The following SP140 variants were observed in gnomAD, a reference collection of about 807,000 sequenced individuals.
SP140 encodes SP140 nuclear body protein.
Under a neutral mutation model 125.0 loss-of-function variants are expected in SP140, and 81 were observed. The ratio of observed to expected loss-of-function variants is 0.65; its 90% confidence interval spans 0.54 to 0.78. The LOEUF (loss-of-function observed/expected upper bound fraction) is 0.78. SP140 is among the 30% of genes least tolerant of loss of function. SP140 has a pLI of 0.00. For synonymous variants in SP140, 312 were observed against 354.0 expected, an observed-to-expected ratio of 0.88 and a Z score of 1.33; for missense variants, 858 against 1,037.0, an observed-to-expected ratio of 0.83 and a Z score of 2.37.
intron 23 of SP140, 43 bp from the exon 24 acceptor site, chr2:230,310,700 T>A (rs2059262220): frequency 7.6e-7 from 1 of 1,308,054 alleles, no homozygotes; most frequent in Non-Finnish European, 1.1e-6. Flanking sequence ...GGTGGCCATT[T>A]CCAAGCTCCC....
chr2:230,238,104 C>G lies in SP140; in HGVS notation c.238-109C>G, dbSNP rs6761254. 4.2e-3 allele frequency: 3,137 copies of G among 748,962 alleles called. 70 individuals are homozygous for G. The African/African-American group carries it at 0.049, about 12-fold the overall frequency. The allele number at this position is 748,962 out of a possible 1,614,324, so 46.4% of individuals were successfully genotyped here. ...ACATTTAAGAAGTCATCCAAATATA[C>G]GCAAAATTCTAACATTTCACAAGAG... On this transcript the variant is annotated intron_variant, in intron 2 of 26. Coordinates refer to ENST00000392045, the MANE Select transcript of SP140 (RefSeq NM_007237.5).
chr2:230,283,664 CAGG>C (rs2055945732), intron 15 of SP140, among the ~76,000 whole-genome samples: 1 of 152,130 alleles, frequency 6.6e-6, no homozygotes, highest in African/African-American at 2.4e-5. Context: ...AGTGTGCGGA[CAGG>C]AGGAGATGAG....
At chr2:230,225,476 C>T (rs1234036954), upstream of SP140, 1 of 342,810 alleles carries the variant, frequency 2.9e-6, no homozygotes, top group Non-Finnish European at 5.6e-6. Flanking sequence ...TTCTCAGCCA[C>T]CTCAGCAAGG....
intron 22 of SP140, among the ~76,000 whole-genome samples, chr2:230,308,541 C>T (rs925376891): frequency 2.0e-5 from 3 of 152,186 alleles, no homozygotes; most frequent in Non-Finnish European, 2.9e-5. Flanking sequence ...CTCGGTAGCC[C>T]GGTGGGGGTG....
upstream of SP140, among the ~76,000 whole-genome samples, chr2:230,222,979 G>T (rs1008067644): frequency 2.9e-4 from 44 of 150,452 alleles, no homozygotes. Flanking sequence ...TAGCAGGTAT[G>T]CTAGCCACCA....
intron 1 of SP140, among the ~76,000 whole-genome samples, chr2:230,233,978 C>G (rs902156315): frequency 2.0e-5 from 3 of 152,190 alleles, no homozygotes; most frequent in Non-Finnish European, 4.4e-5. Flanking sequence ...GTCCCTAACC[C>G]CACTTTGAGA....
intron 22 of SP140, among the ~76,000 whole-genome samples, chr2:230,308,505 T>A (rs1253774930): frequency 6.6e-6 from 1 of 152,226 alleles, no homozygotes; most frequent in Non-Finnish European, 1.5e-5. Context: ...CAGATGAGAT[T>A]GACAGCAGTG....
At chr2:230,315,508 G>A (rs2059478689), downstream of SP140, among the ~76,000 whole-genome samples, 1 of 152,212 alleles carries the variant, frequency 6.6e-6, no homozygotes, top group Middle Eastern at 3.4e-3. Context: ...GAGCCACCCA[G>A]CAATCGTTTC....
chr2:230,313,442 CA>C (rs1310599292), downstream of SP140, among the ~76,000 whole-genome samples: 1 of 152,224 alleles, frequency 6.6e-6, no homozygotes, highest in East Asian at 1.9e-4. Flanking sequence ...CTGGAAGTGA[CA>C]CCCCGTGGCC....
At chr2:230,241,004 G>C (rs1279948008) in intron 3 of SP140, among the ~76,000 whole-genome samples, 2 of 152,114 alleles carry the variant, frequency 1.3e-5, no homozygotes, top group Admixed American at 1.3e-4. Context: ...GAGCAACATG[G>C]ATAAATCTCA....
downstream of SP140, among the ~76,000 whole-genome samples, chr2:230,313,574 C>T (rs1299485091): frequency 6.6e-6 from 1 of 152,180 alleles, no homozygotes; most frequent in African/African-American, 2.4e-5. Context: ...TAGCTTTTGG[C>T]CACACGATGC....
At chr2:230,215,307 C>T (rs1451866592) in intron 3 of SP140, among the ~76,000 whole-genome samples, 1 of 152,150 alleles carries the variant, frequency 6.6e-6, no homozygotes, top group African/African-American at 2.4e-5. Flanking sequence ...AAACTTTACA[C>T]ATATTTGGAT....
chr2:230,307,175 C>T (rs1036113724), intron 22 of SP140, among the ~76,000 whole-genome samples: 2 of 152,212 alleles, frequency 1.3e-5, no homozygotes, highest in African/African-American at 4.8e-5. Flanking sequence ...GAGGGCTGAA[C>T]ACTCGTCAGG....
chr2:230,237,004 T>A lies in SP140; in HGVS notation c.60-79T>A. On this transcript the variant is annotated intron_variant, in intron 1 of 26. Coordinates refer to ENST00000392045, the MANE Select transcript of SP140 (RefSeq NM_007237.5). The surrounding 1 kb of genome is among the most constrained non-coding windows in gnomAD (Gnocchi z 5.4). ...ATGTTGGCTCTCCATTGGCCATCCTTCATGTCTAAAATCTTCTAACCACCA... is the reference window on the plus strand; with the variant it reads ...ATGTTGGCTCTCCATTGGCCATCCTACATGTCTAAAATCTTCTAACCACCA... 8.7e-7 allele frequency: 1 copy of A among 1,147,834 alleles called. No homozygotes were observed. Among genetic ancestry groups the A allele is most frequent in the Non-Finnish European group, 1.2e-6 (1 of 827,878 alleles). 71.1% of individuals were successfully genotyped at this position (1,147,834 alleles called of 1,614,324 possible).
At chr2:230,236,944 A>C (rs560751756) in intron 1 of SP140, 139 bp from the exon 2 acceptor site, 345 of 562,142 alleles carry the variant, frequency 6.1e-4, no homozygotes, top group Admixed American at 3.0e-4. Flanking sequence ...AATTCCATTC[A>C]TTCTGGTCTC....
intron 19 of SP140, among the ~76,000 whole-genome samples, chr2:230,291,226 G>A (rs1373512412): frequency 6.6e-6 from 1 of 152,156 alleles, no homozygotes; most frequent in Non-Finnish European, 1.5e-5. Context: ...TGACTCTTTG[G>A]ATGTCAATTA....
intron 12 of SP140, among the ~76,000 whole-genome samples, chr2:230,257,768 A>G (rs1371351693): frequency 6.6e-6 from 1 of 152,230 alleles, no homozygotes; most frequent in African/African-American, 2.4e-5. Context: ...TCCATCTCAG[A>G]AGAAAAAAAG....
At chr2:230,195,088 T>A in the SP140 span, among the ~76,000 whole-genome samples, 2 of 152,028 alleles carry the variant, frequency 1.3e-5, no homozygotes, top group Non-Finnish European at 2.9e-5. Flanking sequence ...AACTTGGCCA[T>A]ATTCTTTTCT....
upstream of SP140, among the ~76,000 whole-genome samples, chr2:230,222,654 G>A (rs2045916649): frequency 1.3e-5 from 2 of 151,174 alleles, no homozygotes; most frequent in South Asian, 2.1e-4. Flanking sequence ...AGCCCAGGAG[G>A]TCCAGTCTCT....
Sources: allele counts gnomAD v4.1 joint callset (sites outside exome capture counted in the v4.1 genomes callset), GRCh38; gene constraint gnomAD v4.1.1; non-coding constraint Gnocchi (gnomAD v3.1); transcripts MANE v1.5; gene names NCBI Gene and HGNC (gene_info 2026-07-23, HGNC 2026-07-21).